Variants in RAB3C observed in about 807,000 individuals in gnomAD.
RAB3C encodes the protein RAB3C, member RAS oncogene family.
In RAB3C, 17 loss-of-function variants were observed where a neutral mutation model predicts 26.4. The ratio of observed to expected loss-of-function variants is 0.64; its 90% confidence interval spans 0.44 to 0.97. The LOEUF (loss-of-function observed/expected upper bound fraction) is 0.97. Ranked by LOEUF, RAB3C falls within the 50% of genes least tolerant of loss-of-function variation. RAB3C has a pLI of 0.00. For missense variants in RAB3C, 242 were observed against 281.9 expected (o/e 0.86, Z 1.01); for synonymous variants, 91 against 95.9 (o/e 0.95, Z 0.30).
chr5:58,726,169 C>A, intron 3 of RAB3C, 49 bp downstream of exon 3: 2 of 956,358 alleles, frequency 2.1e-6, no homozygotes, highest in South Asian at 1.6e-5. Context: ...GTTCTCCGGT[C>A]AACTCTGTCT....
chr5:58,736,874 G>A (rs1220301956), intron 3 of RAB3C, among the ~76,000 whole-genome samples: 1 of 152,124 alleles, frequency 6.6e-6, no homozygotes, highest in Non-Finnish European at 1.5e-5. Context: ...TGTTGGAACA[G>A]CTTAACTGGT....
chr5:58,695,732 A>G (rs1266086837), intron 2 of RAB3C, among the ~76,000 whole-genome samples: 2 of 151,956 alleles, frequency 1.3e-5, no homozygotes, highest in East Asian at 3.9e-4. Flanking sequence ...TTTGTCTGTT[A>G]TTGGTGTATA....
intron 2 of RAB3C, among the ~76,000 whole-genome samples, chr5:58,667,909 C>T (rs571864495): frequency 5.3e-4 from 81 of 152,118 alleles, no homozygotes; most frequent in Non-Finnish European, 9.7e-4. Flanking sequence ...TTCTATGCCT[C>T]TTATATGGAC....
intron 3 of RAB3C, among the ~76,000 whole-genome samples, chr5:58,800,977 AC>A (rs1229575807): frequency 6.6e-6 from 1 of 152,106 alleles, no homozygotes; most frequent in Non-Finnish European, 1.5e-5. Context: ...AGCAGCATAT[AC>A]CCTCATTTGC....
intron 2 of RAB3C, among the ~76,000 whole-genome samples, chr5:58,714,751 A>G (rs1333573949): frequency 6.6e-6 from 1 of 152,044 alleles, no homozygotes; most frequent in East Asian, 1.9e-4. Flanking sequence ...TCACTTTATT[A>G]TAGGCATAAC....
At chr5:58,642,782 C>T (rs1355102829) in intron 2 of RAB3C, among the ~76,000 whole-genome samples, 1 of 152,178 alleles carries the variant, frequency 6.6e-6, no homozygotes, top group African/African-American at 2.4e-5. Context: ...TTTGAAACAT[C>T]GCGGGGAGTG....
chr5:58,677,218 T>C (rs931830520), intron 2 of RAB3C, among the ~76,000 whole-genome samples: 3 of 152,218 alleles, frequency 2.0e-5, no homozygotes, highest in Non-Finnish European at 2.9e-5. Flanking sequence ...CCTACTTAGA[T>C]ATAACATCAT....
At chr5:58,686,693 T>TAC (rs150468974) in intron 2 of RAB3C, among the ~76,000 whole-genome samples, 1,251 of 114,228 alleles carry the variant, frequency 0.011, 17 homozygotes, top group African/African-American at 0.029. Flanking sequence ...CACACACACA[T>TAC]ACACACACAC....
chr5:58,849,680 C>A (rs1436762373), intron 4 of RAB3C, among the ~76,000 whole-genome samples: 1 of 152,190 alleles, frequency 6.6e-6, no homozygotes, highest in East Asian at 1.9e-4. Context: ...CAACCCCAAT[C>A]CTGCAGTTAT....
chr5:58,610,781 G>T (rs900249315), intron 1 of RAB3C, among the ~76,000 whole-genome samples: 4 of 151,948 alleles, frequency 2.6e-5, no homozygotes, highest in Admixed American at 1.3e-4. Flanking sequence ...TAAGTTTAGG[G>T]GTACATGCGC....
intron 3 of RAB3C, chr5:58,815,694 C>T (rs1234525796): frequency 1.3e-5 from 2 of 152,188 alleles, no homozygotes; most frequent in African/African-American, 2.4e-5. Context: ...GTCATTCACT[C>T]ATTCATTCAA....
intron 2 of RAB3C, among the ~76,000 whole-genome samples, chr5:58,664,904 C>T (rs544660842): frequency 1.6e-4 from 24 of 152,148 alleles, no homozygotes; most frequent in Non-Finnish European, 3.4e-4. Flanking sequence ...CCACACTTGG[C>T]TTCTTTTGGT....
In RAB3C at chr5:58,811,393, TAG is replaced by T. The variant is rs374339993; in HGVS notation, c.372-13638_372-13637del. 4.6e-5 allele frequency among the ~76,000 whole-genome samples: 7 copies of T among 152,072 alleles called. No individual in the cohort carries two copies. The East Asian group carries it at 1.4e-3, about 29-fold the overall frequency. ...TGTGTGTGTGTCTGTGTGTGTAAGA[TAG>T]AGAGAGGATTTTATAGTGATTTTTA... On this transcript the variant is annotated intron_variant, in intron 3 of 4. Transcript: ENST00000282878.
intron 3 of RAB3C, among the ~76,000 whole-genome samples, chr5:58,739,427 A>G (rs568701052): frequency 5.1e-4 from 78 of 152,334 alleles, no homozygotes; most frequent in Non-Finnish European, 1.0e-3. Flanking sequence ...GTCCTTATCT[A>G]GAATTTATCT....
Position 58,583,151 on chromosome 5 carries a change from T to C in RAB3C, c.-58T>C, listed in dbSNP as rs1745938851. 6.2e-7 allele frequency: 1 copy of C among 1,613,374 alleles called. No homozygotes were observed. The highest frequency in any genetic ancestry group is 2.2e-5 in the East Asian group (1 of 44,848). On this transcript the variant is annotated 5_prime_UTR_variant, in exon 1 of 5. Coordinates refer to ENST00000282878, the MANE Select transcript of RAB3C (RefSeq NM_138453.4). Reference sequence around the variant, plus strand: ...CGTGGAGCGCCGGGACTGTGCACGCTTGACCGGAAGCCCAGACCAGTGCGG... The same window carrying C: ...CGTGGAGCGCCGGGACTGTGCACGCCTGACCGGAAGCCCAGACCAGTGCGG...
At chr5:58,756,355 A>AGT (rs1561311232) in intron 3 of RAB3C, among the ~76,000 whole-genome samples, 1 of 140,984 alleles carries the variant, frequency 7.1e-6, no homozygotes, top group South Asian at 2.2e-4. Context: ...TGTTATATAT[A>AGT]TATATAACAT....
At chr5:58,742,572 T>C (rs2111949127) in intron 3 of RAB3C, among the ~76,000 whole-genome samples, 1 of 152,340 alleles carries the variant, frequency 6.6e-6, no homozygotes, top group African/African-American at 2.4e-5. Flanking sequence ...CACTTCCTAA[T>C]TGCATATCAA....
chr5:58,677,792 G>T (rs1748258566), intron 2 of RAB3C, among the ~76,000 whole-genome samples: 1 of 152,144 alleles, frequency 6.6e-6, no homozygotes. Flanking sequence ...GCCTATAGCT[G>T]CAGTGATCTG....
intron 4 of RAB3C, among the ~76,000 whole-genome samples, chr5:58,841,448 A>T (rs1743873395): frequency 6.6e-6 from 1 of 151,954 alleles, no homozygotes; most frequent in Non-Finnish European, 1.5e-5. Flanking sequence ...AGTGCTGGAG[A>T]GGTGCAGTAG....
Sources: allele counts gnomAD v4.1 joint callset (sites outside exome capture counted in the v4.1 genomes callset), GRCh38; gene constraint gnomAD v4.1.1; transcripts MANE v1.5; gene names NCBI Gene and HGNC (gene_info 2026-07-23, HGNC 2026-07-21).